The following CDC42BPA variants were observed in gnomAD, a reference collection of about 807,000 sequenced individuals.
CDC42BPA encodes serine/threonine-protein kinase MRCK alpha.
Under a neutral mutation model 223.5 loss-of-function variants are expected in CDC42BPA, and 80 were observed. The ratio of observed to expected loss-of-function variants is 0.36; its 90% CI spans 0.30 to 0.43. The LOEUF (loss-of-function observed/expected upper bound fraction) is 0.43. Among genes scored for constraint, CDC42BPA ranks in the 20% least tolerant of loss-of-function variants. The probability of loss-of-function intolerance (pLI) is 1.00; values close to 1 mark genes in which losing one functional copy is unlikely to be tolerated. For synonymous variants in CDC42BPA, 694 were observed against 718.6 expected, an observed-to-expected ratio of 0.97 and a Z score of 0.55; for missense variants, 1,743 against 2,099.9, an observed-to-expected ratio of 0.83 and a Z score of 3.32.
chr1:227,199,089 A>G (rs969333070), intron 4 of CDC42BPA, among the ~76,000 whole-genome samples: 1 of 152,216 alleles, frequency 6.6e-6, no homozygotes. Flanking sequence ...AAAATCAGAG[A>G]TACATGTGTT....
At chr1:227,079,870 T>A (rs943362452) in intron 17 of CDC42BPA, among the ~76,000 whole-genome samples, 3 of 152,062 alleles carry the variant, frequency 2.0e-5, no homozygotes, top group South Asian at 2.1e-4. Flanking sequence ...GTTTTTTTTT[T>A]AAATTTTGGA....
chr1:227,287,435 G>C (rs1488439290), intron 1 of CDC42BPA, among the ~76,000 whole-genome samples: 1 of 152,070 alleles, frequency 6.6e-6, no homozygotes, highest in East Asian at 1.9e-4. Flanking sequence ...CCTTCTGGAA[G>C]TCCAGAAGGA....
chr1:227,089,651 T>TTA (rs779008184), intron 16 of CDC42BPA, among the ~76,000 whole-genome samples: 7,104 of 118,092 alleles, frequency 0.06, 208 homozygotes, highest in African/African-American at 0.096. Flanking sequence ...TTTTTTTTTT[T>TTA]AAAAACAAAC....
intron 3 of CDC42BPA, among the ~76,000 whole-genome samples, chr1:227,204,867 T>C (rs1513602): frequency 0.15 from 23,479 of 151,930 alleles, 2,233 homozygotes; most frequent in African/African-American, 0.25. Context: ...GTTTATCCAG[T>C]ATATATAAAG....
intron 2 of CDC42BPA, among the ~76,000 whole-genome samples, chr1:227,238,153 G>A (rs1679410391): frequency 6.7e-6 from 1 of 150,106 alleles, no homozygotes; most frequent in Non-Finnish European, 1.5e-5. Context: ...AGGAGTTCAA[G>A]ACCAGCCTGG....
At chr1:227,138,720 G>A (rs764838170) in intron 10 of CDC42BPA, among the ~76,000 whole-genome samples, 13 of 152,144 alleles carry the variant, frequency 8.5e-5, no homozygotes, top group African/African-American at 1.2e-4. Context: ...TAGTCAGCAC[G>A]TTGTGGGTGT....
chr1:227,002,310 C>T (rs1663025738), intron 35 of CDC42BPA, among the ~76,000 whole-genome samples: 1 of 39,444 alleles, frequency 2.5e-5, no homozygotes, highest in Non-Finnish European at 4.9e-5. Context: ...CTAGCTATCG[C>T]TAATAAAAAG....
chr1:227,289,886 T>C (rs866479301), intron 1 of CDC42BPA, among the ~76,000 whole-genome samples: 85 of 15,702 alleles, frequency 5.4e-3, no homozygotes, highest in African/African-American at 0.017. Flanking sequence ...ACCCTGTCTC[T>C]ACAAAAAAAA....
rs371510373 is a variant in CDC42BPA, at chr1:227,304,367, C to T, written c.178+12638G>A. On this transcript the variant is annotated intron_variant, in intron 1 of 36. Coordinates refer to ENST00000366766, the MANE Select transcript of CDC42BPA (RefSeq NM_001394014.1). ...GTTGCAGTGAGCCCAGATCACACCA[C>T]TGCACTCCAGCCTGGGCAACAAAGC... Among the ~76,000 whole-genome samples, 54 of 151,630 alleles carry T rather than the reference C, an allele frequency of 3.6e-4. No homozygotes were observed. In the South Asian group the frequency reaches 4.2e-3, roughly 12 times the overall value.
chr1:227,109,514 C>T (rs532109505), intron 14 of CDC42BPA, among the ~76,000 whole-genome samples: 2 of 151,876 alleles, frequency 1.3e-5, no homozygotes, highest in Non-Finnish European at 2.9e-5. Flanking sequence ...TACAGGCATG[C>T]GCCACCACGT....
chr1:227,293,331 A>G (rs1690024875), intron 1 of CDC42BPA, among the ~76,000 whole-genome samples: 1 of 152,200 alleles, frequency 6.6e-6, no homozygotes, highest in African/African-American at 2.4e-5. Flanking sequence ...TTTAACACTT[A>G]AATGTTTACA....
rs764475637 is a variant in CDC42BPA at position 227,031,525 on chromosome 1, T to G, written c.3559-11A>C. ...CTGGGAAGCTGTGACCTAGAACAAT[T>G]TAATCAATATTCATGATATTAGAAA... On this transcript the variant is annotated splice_polypyrimidine_tract_variant and intron_variant, in intron 27 of 36. Transcript: ENST00000366766. The G allele has an allele frequency of 1.1e-5, 17 of 1,602,454 alleles. No homozygotes were observed. In the African/African-American group the frequency reaches 1.5e-4, roughly 14 times the overall value.
chr1:227,226,928 C>A (rs1257108304), intron 2 of CDC42BPA, among the ~76,000 whole-genome samples: 2 of 152,100 alleles, frequency 1.3e-5, no homozygotes, highest in African/African-American at 4.8e-5. Context: ...AGAAACTACA[C>A]TGCAGAATAA....
intron 2 of CDC42BPA, 82 bp downstream of exon 2, chr1:227,253,982 A>G: frequency 1.3e-6 from 1 of 792,720 alleles, no homozygotes; most frequent in Non-Finnish European, 2.2e-6. Context: ...ACAAGTAACA[A>G]TACTTGTTAA....
intron 17 of CDC42BPA, among the ~76,000 whole-genome samples, chr1:227,080,351 G>T (rs752238430): frequency 6.6e-6 from 1 of 152,002 alleles, no homozygotes; most frequent in Non-Finnish European, 1.5e-5. Context: ...GAATATGAAG[G>T]TTACTAAGAT....
intron 1 of CDC42BPA, among the ~76,000 whole-genome samples, chr1:227,259,614 TCATAAAATC>T (rs1292254810): frequency 6.6e-6 from 1 of 150,866 alleles, no homozygotes; most frequent in African/African-American, 2.5e-5. Context: ...AATTTAGTTA[TCATAAAATC>T]CATAAGGTAC....
At chr1:227,107,223 C>T (rs1686088534) in intron 14 of CDC42BPA, among the ~76,000 whole-genome samples, 1 of 152,082 alleles carries the variant, frequency 6.6e-6, no homozygotes, top group Admixed American at 6.6e-5. Context: ...TCTTTAATTC[C>T]TTTCAGCAAT....
rs1261231728 is a variant in CDC42BPA, at chr1:227,029,240, T to G, written c.3849A>C (p.Arg1283Ser). 1 of 1,550,212 alleles carries G rather than the reference T, an allele frequency of 6.5e-7. No homozygotes were observed. Among genetic ancestry groups the G allele is most frequent in the South Asian group, 1.2e-5 (1 of 86,952 alleles). ...GATGAATCTTCTTATTGTCACCAAC[T>G]CTAATAATTTCTAAACACAGAAAGA... Reference protein sequence around the residue: ...VVHVTKDEIIRVGDNKKIHQI... With the variant: ...VVHVTKDEIISVGDNKKIHQI... Residue 1283 changes from arginine to serine, a missense_variant, in exon 30 of 37, where the codon AGA becomes AGC. By Grantham distance (110) the Arg-to-Ser change is moderately radical. Transcript: ENST00000366766.
At position 227,187,680 on chromosome 1, in the gene CDC42BPA, C is replaced by G. The variant is rs199899833; in HGVS notation, c.599+6106G>C. Among the ~76,000 whole-genome samples, 2 of 4,436 alleles carry G rather than the reference C, an allele frequency of 4.5e-4. 1 individual carries two copies. The highest frequency in any genetic ancestry group is 4.1e-3 in the Admixed American group (2 of 484). The allele number at this position is 4,436 out of a possible 152,430, so 2.9% of individuals were successfully genotyped here. Reference sequence around the variant, plus strand: ...CAAGAAGGATAAATGGCACCCCCCACCCCCCCCCCAAAAAAAAAAAACTAT... The same window carrying G: ...CAAGAAGGATAAATGGCACCCCCCAGCCCCCCCCCAAAAAAAAAAAACTAT... On this transcript the variant is annotated intron_variant, in intron 5 of 36. Coordinates refer to ENST00000366766, the MANE Select transcript of CDC42BPA (RefSeq NM_001394014.1).
Sources: allele counts gnomAD v4.1 joint callset (sites outside exome capture counted in the v4.1 genomes callset), GRCh38; gene constraint gnomAD v4.1.1; transcripts MANE v1.5; gene names NCBI Gene and HGNC (gene_info 2026-07-23, HGNC 2026-07-21).